The following CEP83 variants were observed in gnomAD, a reference collection of about 807,000 sequenced individuals.
The protein encoded by CEP83 is centrosomal protein 83, also known as centrosomal protein of 83 kDa.
A neutral mutation model predicts 101.9 loss-of-function variants in CEP83; 70 were observed. The ratio of observed to expected loss-of-function variants is 0.69; its 90% CI spans 0.57 to 0.84. The LOEUF (loss-of-function observed/expected upper bound fraction) is 0.84. CEP83 is among the 40% of genes least tolerant of loss of function. CEP83 has a pLI of 0.00. For missense variants in CEP83, 715 were observed against 787.2 expected (o/e 0.91, Z 1.10); for synonymous variants, 264 against 267.9 (o/e 0.99, Z 0.14).
the CEP83 span, among the ~76,000 whole-genome samples, chr12:94,293,835 G>A: frequency 2.0e-5 from 3 of 152,050 alleles, no homozygotes; most frequent in African/African-American, 7.2e-5. Flanking sequence ...TGCCCAGGCT[G>A]GTCTCAAAAC....
intron 6 of CEP83, among the ~76,000 whole-genome samples, chr12:94,393,004 AG>A (rs1200786875): frequency 6.6e-6 from 1 of 152,224 alleles, no homozygotes; most frequent in Non-Finnish European, 1.5e-5. Context: ...AACCAAAAAA[AG>A]TCCAGGACCA....
intron 8 of CEP83, among the ~76,000 whole-genome samples, chr12:94,370,628 T>C (rs189737054): frequency 2.0e-5 from 3 of 152,168 alleles, no homozygotes; most frequent in Admixed American, 2.0e-4. Flanking sequence ...TCCACCTGCT[T>C]TGGCCTCCTA....
the CEP83 span, chr12:94,272,216 T>G: frequency 1.3e-5 from 2 of 152,356 alleles, no homozygotes; most frequent in East Asian, 3.9e-4. Context: ...AGACCCAAGA[T>G]GTCTGTGGCT....
At chr12:94,452,208 T>C (rs1407530476) in intron 1 of CEP83, among the ~76,000 whole-genome samples, 1 of 152,116 alleles carries the variant, frequency 6.6e-6, no homozygotes, top group Non-Finnish European at 1.5e-5. Flanking sequence ...TAAATGCAAA[T>C]AAGCTTGAGA....
chr12:94,275,389 C>A, the CEP83 span, among the ~76,000 whole-genome samples: 280 of 152,246 alleles, frequency 1.8e-3, 1 homozygote, highest in African/African-American at 6.4e-3. Context: ...GAGGTGTCTC[C>A]CCCGATGGGG....
the CEP83 span, chr12:94,282,735 T>C: frequency 1.5e-5 from 3 of 195,628 alleles, no homozygotes; most frequent in Admixed American, 1.6e-4. Flanking sequence ...ACAAGCGTGC[T>C]GATGCTAAAC....
At chr12:94,303,986 A>C, downstream of CEP83, 1 of 1,602,472 alleles carries the variant, frequency 6.2e-7, no homozygotes, top group Non-Finnish European at 8.5e-7. Context: ...GAAACATGAA[A>C]ATGAATTTAA....
At chr12:94,285,820 A>G in the CEP83 span, among the ~76,000 whole-genome samples, 3 of 152,146 alleles carry the variant, frequency 2.0e-5, no homozygotes, top group Non-Finnish European at 2.9e-5. Flanking sequence ...AGGAGGGGAC[A>G]CAGACTCCAA....
chr12:94,310,887 A>C lies in CEP83; in HGVS notation c.1812-780T>G, dbSNP rs140089463. Among the ~76,000 whole-genome samples the C allele has an allele frequency of 3.9e-5, 6 of 152,276 alleles. No individual in the cohort carries two copies. In the East Asian group the frequency reaches 1.2e-3, roughly 29 times the overall value. On this transcript the variant is annotated intron_variant, in intron 15 of 16. Transcript: ENST00000397809. ...CTTGGTTCCTGGCACACAGCTCCTA[A>C]AACTCTGGGAAACTCTGAAGTGATA...
chr12:94,266,799 A>T, the CEP83 span, among the ~76,000 whole-genome samples: 1 of 152,216 alleles, frequency 6.6e-6, no homozygotes, highest in African/African-American at 2.4e-5. Context: ...AAGCACTTAG[A>T]ACATTGCCAG....
At chr12:94,302,737 CTCTT>C (rs1243131330), downstream of CEP83, among the ~76,000 whole-genome samples, 2 of 152,186 alleles carry the variant, frequency 1.3e-5, no homozygotes, top group East Asian at 1.9e-4. Context: ...ATTTGTCCAA[CTCTT>C]TCTGTCAACT....
chr12:94,347,068 T>TATATATAC (rs561705061), intron 11 of CEP83, among the ~76,000 whole-genome samples: 6,684 of 147,412 alleles, frequency 0.045, 201 homozygotes, highest in Non-Finnish European at 0.07. Context: ...TATATATATA[T>TATATATAC]ACACATACAC....
Position 94,325,510 on chromosome 12 carries a change from C to T in CEP83, c.1707+6190G>A, listed in dbSNP as rs2058938086. On this transcript the variant is annotated intron_variant, in intron 14 of 16. Transcript: ENST00000397809. ...TTTTCCTCTTAGTACTCACCTCCAC[C>T]TGATAGTATTTCTTTCTTTATTCTA... Among the ~76,000 whole-genome samples, 6 of 152,180 alleles carry T rather than the reference C, an allele frequency of 3.9e-5. No individual in the cohort carries two copies. In the South Asian group the frequency reaches 1.2e-3, roughly 31 times the overall value.
intron 14 of CEP83, chr12:94,328,168 C>A: frequency 5.3e-6 from 1 of 187,488 alleles, no homozygotes. Flanking sequence ...GTTGTCATTT[C>A]AGGTTCCTCA....
Position 94,459,702 on chromosome 12 carries a change from T to TA in CEP83, c.-301dup, listed in dbSNP as rs1260592293. On this transcript the variant is annotated 5_prime_UTR_variant, in exon 1 of 17. Transcript: ENST00000397809. ...TTACGGAGGCATTGGGACTAAGGGTTACGGTCCTACAGCGGGGTGTCGGCC... is the reference window on the plus strand; with the variant it reads ...TTACGGAGGCATTGGGACTAAGGGTTAACGGTCCTACAGCGGGGTGTCGGCC... 1 of 152,520 alleles carries TA rather than the reference T, an allele frequency of 6.6e-6. No individual in the cohort carries two copies. The highest frequency in any genetic ancestry group is 1.5e-5 in the Non-Finnish European group (1 of 68,226). 9.4% of individuals were successfully genotyped at this position (152,520 alleles called of 1,614,324 possible).
At chr12:94,407,606 C>T (rs1384159093) in intron 4 of CEP83, among the ~76,000 whole-genome samples, 3 of 152,116 alleles carry the variant, frequency 2.0e-5, no homozygotes, top group African/African-American at 7.2e-5. Context: ...AGGTCTCTGA[C>T]AAAGCATCTC....
At chr12:94,397,605 AT>A (rs2137516546) in intron 6 of CEP83, among the ~76,000 whole-genome samples, 1 of 152,328 alleles carries the variant, frequency 6.6e-6, no homozygotes, top group South Asian at 2.1e-4. Flanking sequence ...TAGTCATCAG[AT>A]TTCGAATGCA....
Position 94,331,357 on chromosome 12 carries a change from C to CTTTTTTTTTTT in CEP83, c.1707+332_1707+342dup, listed in dbSNP as rs1161292599. Among the ~76,000 whole-genome samples the CTTTTTTTTTTT allele has an allele frequency of 1.0e-4, 7 of 66,806 alleles. 1 individual carries two copies. Among genetic ancestry groups the CTTTTTTTTTTT allele is most frequent in the Admixed American group, 2.1e-4 (1 of 4,810 alleles). 43.8% of individuals were successfully genotyped at this position (66,806 alleles called of 152,430 possible). ...TACTCCATAGAAATCACCTTTTTTC[C>CTTTTTTTTTTT]TTTTTTTTTTTTTTTTTTTTTTTTT... On this transcript the variant is annotated intron_variant, in intron 14 of 16. Coordinates refer to ENST00000397809, the MANE Select transcript of CEP83 (RefSeq NM_016122.3).
the CEP83 span, among the ~76,000 whole-genome samples, chr12:94,292,247 A>T: frequency 6.6e-6 from 1 of 152,222 alleles, no homozygotes; most frequent in Non-Finnish European, 1.5e-5. Context: ...CAAAATTCAT[A>T]AATGGTGATG....
Sources: gnomAD v4.1 joint callset for allele counts (sites outside exome capture counted in the v4.1 genomes callset) on GRCh38, gnomAD v4.1.1 for gene constraint, MANE v1.5 for transcripts, NCBI Gene and HGNC (gene_info 2026-07-23, HGNC 2026-07-21) for gene names.